ALDH1L2: variants seen among roughly 807,000 people sequenced by gnomAD.
ALDH1L2 encodes mitochondrial 10-formyltetrahydrofolate dehydrogenase.
Under a neutral mutation model 111.0 loss-of-function variants are expected in ALDH1L2, and 91 were observed. That is an observed-to-expected ratio of 0.82 (90% CI 0.69 to 0.98). The LOEUF is 0.98. ALDH1L2 is among the 50% of genes least tolerant of loss of function. The pLI, the probability that ALDH1L2 is intolerant of heterozygous loss-of-function variation, is 0.00. For synonymous variants in ALDH1L2, 374 were observed against 392.6 expected, an observed-to-expected ratio of 0.95 and a Z score of 0.56; for missense variants, 995 against 1,126.8, an observed-to-expected ratio of 0.88 and a Z score of 1.67.
At chr12:105,042,071 T>C (rs1233285968) in intron 15 of ALDH1L2, among the ~76,000 whole-genome samples, 1 of 133,986 alleles carries the variant, frequency 7.5e-6, no homozygotes, top group Non-Finnish European at 1.7e-5. Context: ...AAGAGATGTA[T>C]GTATACACAA....
chr12:105,035,642 C>G (rs1361442638), intron 18 of ALDH1L2, among the ~76,000 whole-genome samples: 1 of 151,944 alleles, frequency 6.6e-6, no homozygotes, highest in Non-Finnish European at 1.5e-5. Flanking sequence ...TTTAGAAAGC[C>G]TCTCTAACCC....
chr12:105,047,992 A>G (rs1427558485), intron 13 of ALDH1L2: 2 of 152,230 alleles, frequency 1.3e-5, no homozygotes, highest in Non-Finnish European at 2.9e-5. Flanking sequence ...TTTGGCATCA[A>G]ACGAGTTTGA....
At chr12:105,048,204 C>T (rs920929127) in intron 13 of ALDH1L2, 5 of 152,156 alleles carry the variant, frequency 3.3e-5, no homozygotes, top group Non-Finnish European at 7.3e-5. Context: ...TTCCAATCCT[C>T]AAAACATAAC....
chr12:105,057,104 A>G (rs1339168233), intron 10 of ALDH1L2, among the ~76,000 whole-genome samples: 1 of 151,984 alleles, frequency 6.6e-6, no homozygotes, highest in African/African-American at 2.4e-5. Context: ...TAAGGATTTG[A>G]AAGAACAGAC....
chr12:105,038,317 C>T (rs1279033982), intron 17 of ALDH1L2, 115 bp from the exon 18 acceptor site: 3 of 577,734 alleles, frequency 5.2e-6, no homozygotes, highest in East Asian at 3.6e-5. Context: ...CACACACACA[C>T]ACACACTTTT....
chr12:105,079,104 C>CATGA (rs1328375056), intron 1 of ALDH1L2, among the ~76,000 whole-genome samples: 8 of 152,194 alleles, frequency 5.3e-5, no homozygotes, highest in Non-Finnish European at 1.2e-4. Context: ...ACTCTGGAGG[C>CATGA]ATGAACTAGC....
chr12:105,073,845 C>G lies in ALDH1L2; in HGVS notation c.193+16G>C. On this transcript the variant is annotated intron_variant, in intron 2 of 22. Transcript: ENST00000258494. The stretch of plus-strand genomic sequence containing the variant: ...ACCTGAGAATTCTTGACCCAGTCAT[C>G]CCAAGATGCACTCACCCAGAGGGTC... 1 of 1,613,844 alleles carries G rather than the reference C, an allele frequency of 6.2e-7. No individual in the cohort carries two copies. The highest frequency in any genetic ancestry group is 8.5e-7 in the Non-Finnish European group (1 of 1,179,954).
In ALDH1L2 at chr12:105,020,132, C is replaced by T. The variant is rs1342871044; in HGVS notation, c.*4292G>A. On this transcript the variant is annotated 3_prime_UTR_variant, in exon 23 of 23. Coordinates refer to ENST00000258494, the MANE Select transcript of ALDH1L2 (RefSeq NM_001034173.4). Reference sequence around the variant, plus strand: ...TTAATCCCCCTTATTTCTCATGTCTCATGCCTTATCCATCATCCCTCATAT... The same window carrying T: ...TTAATCCCCCTTATTTCTCATGTCTTATGCCTTATCCATCATCCCTCATAT... 2 of 152,106 alleles carry T rather than the reference C, an allele frequency of 1.3e-5. No homozygotes were observed. Among genetic ancestry groups the T allele is most frequent in the Non-Finnish European group, 2.9e-5 (2 of 68,016 alleles). The allele number at this position is 152,106 out of a possible 1,614,324, so 9.4% of individuals were successfully genotyped here. A position where few individuals can be genotyped will look rare whatever the true frequency, so the allele number is the denominator to read the frequency against.
rs1301198208 is a variant in ALDH1L2 at position 105,068,710 on chromosome 12, T to C, written c.594+9A>G. On this transcript the variant is annotated intron_variant, in intron 4 of 22. Transcript: ENST00000258494. ...GTTTACTAAATTCTGGGTGGCAAAA[T>C]ATACTAACCATGGCCTTGATTCCTT... The C allele has an allele frequency of 1.0e-5, 15 of 1,450,380 alleles. No individual in the cohort carries two copies. The highest frequency in any genetic ancestry group is 1.4e-5 in the Non-Finnish European group (15 of 1,095,722). 89.8% of individuals were successfully genotyped at this position (1,450,380 alleles called of 1,614,324 possible). A position where few individuals can be genotyped will look rare whatever the true frequency, so the allele number is the denominator to read the frequency against.
intron 9 of ALDH1L2, chr12:105,060,499 C>T (rs907427666): frequency 6.6e-6 from 1 of 152,508 alleles, no homozygotes; most frequent in African/African-American, 2.4e-5. Context: ...ATCTGCTTGA[C>T]CATGGAAACA....
At chr12:105,036,539 TATATATATATATATATATATATATATAA>T (rs1250054018) in intron 18 of ALDH1L2, among the ~76,000 whole-genome samples, 2,006 of 45,382 alleles carry the variant, frequency 0.044, 130 homozygotes, top group East Asian at 0.25. Flanking sequence ...TATATATATA[TATATATATATATATATATATATATATAA>T]AATGGATGTG....
Position 105,026,546 on chromosome 12 carries a change from T to C in ALDH1L2, c.2715A>G (p.Leu905=), listed in dbSNP as rs759743521. The change falls in exon 22 of 23, where the codon TTA becomes TTG. Residue 905 remains leucine (L), a splice_region_variant and synonymous_variant. Transcript: ENST00000258494. ...GVKQSGFGKD[L]GEEALNEYLK... ...TGAAGCAGAAAAGTAAAGCCATACCTAAGTCTTTTCCAAAGCCAGATTGTT... is the reference window on the plus strand; with the variant it reads ...TGAAGCAGAAAAGTAAAGCCATACCCAAGTCTTTTCCAAAGCCAGATTGTT... 2.5e-6 allele frequency: 4 copies of C among 1,613,982 alleles called. No individual in the cohort carries two copies. In the Admixed American group the frequency reaches 5.0e-5, roughly 20 times the overall value.
chr12:105,062,664 G>C (rs546962425), intron 7 of ALDH1L2, among the ~76,000 whole-genome samples: 2 of 152,296 alleles, frequency 1.3e-5, no homozygotes, highest in East Asian at 3.9e-4. Context: ...GGGAAGCAGG[G>C]ATTCACATCC....
In ALDH1L2 at chr12:105,073,879, C is replaced by A; in HGVS notation, c.175G>T (p.Gly59Ter). ...VGVFTVPDKD[G>*]KADPLALAAE... is the part of the protein sequence containing the mutation. ...CACTCACCCAGAGGGTCAGCTTTTCCATCCTTGTCTGGAACTGTGAACACC... is the reference window on the plus strand; with the variant it reads ...CACTCACCCAGAGGGTCAGCTTTTCAATCCTTGTCTGGAACTGTGAACACC... Residue 59 changes from glycine to a stop codon, truncating the protein, a stop_gained, in exon 2 of 23, where the codon GGA (glycine) becomes TGA (stop). Transcript: ENST00000258494. LOFTEE classifies it high-confidence loss of function. 6.2e-7 allele frequency: 1 copy of A among 1,614,132 alleles called. No homozygotes were observed. The highest frequency in any genetic ancestry group is 1.1e-5 in the South Asian group (1 of 91,072).
At chr12:105,080,134 A>AT (rs1878267943) in intron 1 of ALDH1L2, among the ~76,000 whole-genome samples, 1 of 152,190 alleles carries the variant, frequency 6.6e-6, no homozygotes, top group South Asian at 2.1e-4. Flanking sequence ...ATGTAGAAGT[A>AT]TTTTTCTCAG....
chr12:105,027,876 G>A (rs550529076), intron 21 of ALDH1L2, among the ~76,000 whole-genome samples: 3 of 152,210 alleles, frequency 2.0e-5, no homozygotes, highest in Admixed American at 2.0e-4. Flanking sequence ...CGTCAAATGC[G>A]AGTGAGTGGG....
chr12:105,049,885 G>C, intron 13 of ALDH1L2, 23 bp downstream of exon 13: 1 of 1,591,350 alleles, frequency 6.3e-7, no homozygotes, highest in Non-Finnish European at 8.6e-7. Context: ...TTTTCTTTCA[G>C]AACAAATAAT....
rs1365766553 is a variant in ALDH1L2, at chr12:105,020,435, G to A, written c.*3989C>T. On this transcript the variant is annotated 3_prime_UTR_variant, in exon 23 of 23. Coordinates refer to ENST00000258494, the MANE Select transcript of ALDH1L2 (RefSeq NM_001034173.4). Reference sequence around the variant, plus strand: ...AAACCTGTTCTGCCACTTAATAGCTGTGTGATTTGAGCAGGTTACTTAACC... The same window carrying A: ...AAACCTGTTCTGCCACTTAATAGCTATGTGATTTGAGCAGGTTACTTAACC... The A allele has an allele frequency of 6.6e-6, 1 of 152,198 alleles. No individual in the cohort carries two copies. Among genetic ancestry groups the A allele is most frequent in the Non-Finnish European group, 1.5e-5 (1 of 68,036 alleles). 9.4% of individuals were successfully genotyped at this position (152,198 alleles called of 1,614,324 possible). A position where few individuals can be genotyped will look rare whatever the true frequency, so the allele number is the denominator to read the frequency against.
chr12:105,076,349 A>G (rs1409245674), intron 1 of ALDH1L2, among the ~76,000 whole-genome samples: 1 of 152,168 alleles, frequency 6.6e-6, no homozygotes, highest in Admixed American at 6.5e-5. Flanking sequence ...AAGAGCAAAC[A>G]TTTTAATGAG....
Sources: gnomAD v4.1 joint callset for allele counts (sites outside exome capture counted in the v4.1 genomes callset) on GRCh38, gnomAD v4.1.1 for gene constraint, MANE v1.5 for transcripts, NCBI Gene and HGNC (gene_info 2026-07-23, HGNC 2026-07-21) for gene names.